The following STXBP4 variants were observed in gnomAD, a reference collection of about 807,000 sequenced individuals.
STXBP4 encodes the protein syntaxin binding protein 4.
STXBP4 carries 55 observed loss-of-function variants against 76.1 expected under a neutral mutation model. That is an observed-to-expected ratio of 0.72 (90% CI 0.58 to 0.91). The LOEUF (loss-of-function observed/expected upper bound fraction) is 0.91. Ranked by LOEUF, STXBP4 falls within the 40% of genes least tolerant of loss-of-function variation. STXBP4 has a pLI of 0.00. For synonymous variants in STXBP4, 201 were observed against 220.2 expected (o/e 0.91, Z 0.77); for missense variants, 618 against 636.9 (o/e 0.97, Z 0.32).
chr17:55,173,264 A>G lies in STXBP4; in HGVS notation c.*13353A>G, dbSNP rs1416579129. The G allele has an allele frequency of 1.3e-5, 2 of 152,156 alleles. No individual in the cohort carries two copies. The highest frequency in any genetic ancestry group is 6.5e-5 in the Admixed American group (1 of 15,274). The allele number at this position is 152,156 out of a possible 1,614,324, so 9.4% of individuals were successfully genotyped here. A position where few individuals can be genotyped will look rare whatever the true frequency, so the allele number is the denominator to read the frequency against. On this transcript the variant is annotated 3_prime_UTR_variant, in exon 18 of 18. Coordinates refer to ENST00000376352, the MANE Select transcript of STXBP4 (RefSeq NM_178509.6). ...ACACATGTCTAGTTATTTGACCACA[A>G]CCGTAATCAAGATACAGAACAGTTT... is the stretch of plus-strand genomic sequence containing the variant.
chr17:55,016,031 G>A (rs1015155450), intron 8 of STXBP4, among the ~76,000 whole-genome samples: 1 of 152,068 alleles, frequency 6.6e-6, no homozygotes, highest in Non-Finnish European at 1.5e-5. Flanking sequence ...GGGTCAAATT[G>A]GTCCCAGTTC....
In STXBP4 at chr17:55,103,513, T is replaced by G. The variant is rs570028131; in HGVS notation, c.1489+22330T>G. Among the ~76,000 whole-genome samples the G allele has an allele frequency of 2.5e-3, 385 of 152,216 alleles. 5 individuals carry two copies. The highest frequency in any genetic ancestry group is 8.9e-3 in the African/African-American group (370 of 41,546). Reference sequence around the variant, plus strand: ...TATATCTCTTTTGGTACCAGTATTATGCTGTTTTGGTTACTGTGGCCTTGT... The same window carrying G: ...TATATCTCTTTTGGTACCAGTATTAGGCTGTTTTGGTTACTGTGGCCTTGT... On this transcript the variant is annotated intron_variant, in intron 16 of 17. Transcript: ENST00000376352.
At chr17:55,196,703 A>G in the STXBP4 span, among the ~76,000 whole-genome samples, 2 of 152,208 alleles carry the variant, frequency 1.3e-5, no homozygotes, top group Non-Finnish European at 2.9e-5. Flanking sequence ...TTCCTAGCAC[A>G]TAGGAAGTAC....
intron 12 of STXBP4, among the ~76,000 whole-genome samples, chr17:55,060,748 C>T (rs1192811486): frequency 6.6e-6 from 1 of 152,132 alleles, no homozygotes; most frequent in African/African-American, 2.4e-5. Flanking sequence ...AGCACAATTT[C>T]CCATGAAATT....
At chr17:55,001,837 T>A (rs2077923421) in intron 7 of STXBP4, among the ~76,000 whole-genome samples, 2 of 152,172 alleles carry the variant, frequency 1.3e-5, no homozygotes, top group African/African-American at 4.8e-5. Flanking sequence ...TTTCACCATG[T>A]TAGCCAGGAT....
chr17:55,032,858 A>G (rs1250197596), intron 9 of STXBP4, among the ~76,000 whole-genome samples: 1 of 152,122 alleles, frequency 6.6e-6, no homozygotes, highest in Non-Finnish European at 1.5e-5. Context: ...TCAGCTGGCC[A>G]CCAGATTGCC....
chr17:55,081,791 C>T (rs2079258558), intron 16 of STXBP4, among the ~76,000 whole-genome samples: 1 of 152,128 alleles, frequency 6.6e-6, no homozygotes, highest in Non-Finnish European at 1.5e-5. Flanking sequence ...AAAGGAACTA[C>T]ATGAACTGTC....
In STXBP4 at chr17:55,078,075, C is replaced by T; in HGVS notation, c.1189-3C>T. On this transcript the variant is annotated splice_polypyrimidine_tract_variant and splice_region_variant and intron_variant, in intron 13 of 17. Coordinates refer to ENST00000376352, the MANE Select transcript of STXBP4 (RefSeq NM_178509.6). ...AAATGCTCCTTTTGATATCTCTGTG[C>T]AGGAAAGTGTTCAGGATTTAAAAAA... 6.3e-7 allele frequency: 1 copy of T among 1,586,410 alleles called. No homozygotes were observed. Among genetic ancestry groups the T allele is most frequent in the Non-Finnish European group, 8.6e-7 (1 of 1,160,774 alleles).
intron 8 of STXBP4, among the ~76,000 whole-genome samples, chr17:55,018,300 G>T (rs1464397969): frequency 1.3e-5 from 2 of 152,204 alleles, no homozygotes; most frequent in Non-Finnish European, 2.9e-5. Context: ...TGGATCAGGA[G>T]CACAGCGGAC....
chr17:54,980,164 A>C (rs1053381704), intron 1 of STXBP4, among the ~76,000 whole-genome samples: 3 of 152,186 alleles, frequency 2.0e-5, no homozygotes, highest in African/African-American at 7.2e-5. Flanking sequence ...TAACATTTTT[A>C]AATGAAGACA....
intron 16 of STXBP4, among the ~76,000 whole-genome samples, chr17:55,130,227 G>A (rs536313441): frequency 1.6e-4 from 25 of 152,150 alleles, no homozygotes; most frequent in Non-Finnish European, 2.9e-4. Flanking sequence ...CTTGATTTCC[G>A]TCATGCCATG....
intron 17 of STXBP4, among the ~76,000 whole-genome samples, chr17:55,143,663 C>A (rs557199085): frequency 6.6e-6 from 1 of 152,218 alleles, no homozygotes; most frequent in Admixed American, 6.5e-5. Context: ...AGTCAATAAG[C>A]CCTTTGGCTG....
chr17:54,996,068 G>A (rs1435215716), intron 4 of STXBP4, among the ~76,000 whole-genome samples: 1 of 151,804 alleles, frequency 6.6e-6, no homozygotes, highest in Non-Finnish European at 1.5e-5. Context: ...GTAAACATAA[G>A]GACCATACAG....
chr17:55,086,419 A>G (rs1260080349), intron 16 of STXBP4, among the ~76,000 whole-genome samples: 6 of 152,132 alleles, frequency 3.9e-5, no homozygotes, highest in Non-Finnish European at 7.4e-5. Flanking sequence ...TCCTCCTTCT[A>G]GCTATTTCAA....
At chr17:55,034,503 T>C (rs192157892) in intron 10 of STXBP4, among the ~76,000 whole-genome samples, 35 of 152,156 alleles carry the variant, frequency 2.3e-4, no homozygotes, top group African/African-American at 8.2e-4. Context: ...ATTTGATATG[T>C]GGAGGATACG....
intron 16 of STXBP4, among the ~76,000 whole-genome samples, chr17:55,139,830 G>A (rs1022149115): frequency 5.9e-5 from 9 of 152,154 alleles, no homozygotes; most frequent in Non-Finnish European, 1.0e-4. Context: ...ATATACAAAG[G>A]AAATAGTTAC....
intron 1 of STXBP4, among the ~76,000 whole-genome samples, chr17:54,969,757 T>G (rs975897080): frequency 3.9e-5 from 6 of 152,206 alleles, no homozygotes; most frequent in African/African-American, 1.4e-4. Flanking sequence ...TTTTATTTAT[T>G]TATTGCCCTC....
intron 8 of STXBP4, among the ~76,000 whole-genome samples, chr17:55,018,909 G>A (rs75566487): frequency 1.3e-5 from 2 of 152,158 alleles, no homozygotes; most frequent in Non-Finnish European, 2.9e-5. Flanking sequence ...GGATGTATAC[G>A]TGCAGGTCAC....
chr17:55,186,554 A>T, the STXBP4 span, among the ~76,000 whole-genome samples: 1 of 152,238 alleles, frequency 6.6e-6, no homozygotes, highest in South Asian at 2.1e-4. Flanking sequence ...ATTCTAAAGG[A>T]TGTATGATGG....
Sources: allele counts gnomAD v4.1 joint callset (sites outside exome capture counted in the v4.1 genomes callset), GRCh38; gene constraint gnomAD v4.1.1; transcripts MANE v1.5; gene names NCBI Gene and HGNC (gene_info 2026-07-23, HGNC 2026-07-21).